Variants in ZNF713 observed in about 807,000 individuals in gnomAD.
ZNF713 encodes zinc finger protein 713.
A neutral mutation model predicts 28.7 loss-of-function variants in ZNF713; 21 were observed. That is an observed-to-expected ratio of 0.73 (90% CI 0.52 to 1.05). The LOEUF (loss-of-function observed/expected upper bound fraction) is 1.05. ZNF713 is among the 50% of genes least tolerant of loss of function. ZNF713 has a pLI of 0.00. For missense variants in ZNF713, 458 were observed against 532.4 expected (o/e 0.86, Z 1.37); for synonymous variants, 167 against 178.0 (o/e 0.94, Z 0.49).
chr7:55,910,376 T>C (rs1027588462), intron 2 of ZNF713, among the ~76,000 whole-genome samples: 6 of 152,226 alleles, frequency 3.9e-5, no homozygotes, highest in African/African-American at 1.4e-4. Flanking sequence ...GTTGTAGTTC[T>C]TAGGGGAATG....
Position 55,912,641 on chromosome 7 carries a change from C to T in ZNF713, c.5C>T (p.Pro2Leu). The T allele has an allele frequency of 1.2e-6, 2 of 1,610,500 alleles. No individual in the cohort carries two copies. The highest frequency in any genetic ancestry group is 1.7e-6 in the Non-Finnish European group (2 of 1,177,980). The change falls in exon 4 of 7, where the codon CCT becomes CTT. Residue 2 changes from proline to leucine, a missense_variant. Physicochemically the swap from Pro to Leu is moderately conservative, Grantham distance 98 (BLOSUM62 -3). Coordinates refer to ENST00000429591, the MANE Select transcript of ZNF713 (RefSeq NM_182633.3). ...ATGCTTCTCTTTTTCCTAGTTATGC[C>T]TTCTCAGAATGCTGTTTTTTCTCAG... M[P>L]SQNAVFSQEG...
chr7:55,925,630 A>C (rs1481970903), intron 6 of ZNF713, among the ~76,000 whole-genome samples: 1 of 152,100 alleles, frequency 6.6e-6, no homozygotes, highest in Non-Finnish European at 1.5e-5. Flanking sequence ...AAAAAAGAAA[A>C]GGGAAGAAAA....
intron 1 of ZNF713, among the ~76,000 whole-genome samples, chr7:55,895,695 C>T (rs1308047263): frequency 2.0e-5 from 3 of 151,800 alleles, no homozygotes; most frequent in South Asian, 2.1e-4. Flanking sequence ...CTCGAACTCC[C>T]GACCTCAGGC....
intron 6 of ZNF713, among the ~76,000 whole-genome samples, chr7:55,935,053 T>C (rs914972819): frequency 1.1e-4 from 16 of 151,994 alleles, no homozygotes; most frequent in African/African-American, 3.4e-4. Context: ...CACGCCCAGC[T>C]AATCTTTGTA....
At chr7:55,930,727 C>T (rs1786193823) in intron 6 of ZNF713, among the ~76,000 whole-genome samples, 1 of 152,034 alleles carries the variant, frequency 6.6e-6, no homozygotes, top group East Asian at 1.9e-4. Context: ...GATCGTGCTA[C>T]TCGCCTCCAG....
chr7:55,908,274 C>T (rs1467158456), intron 2 of ZNF713, among the ~76,000 whole-genome samples: 2 of 151,186 alleles, frequency 1.3e-5, no homozygotes, highest in African/African-American at 2.4e-5. Flanking sequence ...TTCTGAATAG[C>T]TGGGATTACA....
intron 4 of ZNF713, among the ~76,000 whole-genome samples, chr7:55,915,717 G>C (rs1369281889): frequency 6.6e-6 from 1 of 152,210 alleles, no homozygotes; most frequent in Admixed American, 6.5e-5. Context: ...GGTGTGGAAG[G>C]AGGGAGAGAA....
At chr7:55,923,502 G>T in intron 5 of ZNF713, 105 bp from the exon 6 acceptor site, 3 of 1,156,798 alleles carry the variant, frequency 2.6e-6, no homozygotes, top group Non-Finnish European at 3.7e-6. Context: ...TGCTGCCTCT[G>T]AAGTCTCCCC....
Position 55,940,164 on chromosome 7 carries a change from C to G in ZNF713, c.*158C>G. 1 of 1,287,686 alleles carries G rather than the reference C, an allele frequency of 7.8e-7. No homozygotes were observed. Among genetic ancestry groups the G allele is most frequent in the South Asian group, 1.7e-5 (1 of 57,548 alleles). The allele number at this position is 1,287,686 out of a possible 1,614,324, so 79.8% of individuals were successfully genotyped here. On this transcript the variant is annotated 3_prime_UTR_variant, in exon 7 of 7. Coordinates refer to ENST00000429591, the MANE Select transcript of ZNF713 (RefSeq NM_182633.3). ...TTGAGACTGAGTCTCACTCTGTCAC[C>G]CAGGCTGAAGTGCAGTGGTACAATC...
At chr7:55,927,827 A>G (rs779114569) in intron 6 of ZNF713, among the ~76,000 whole-genome samples, 2 of 130,638 alleles carry the variant, frequency 1.5e-5, no homozygotes, top group Non-Finnish European at 3.1e-5. Context: ...AACCCCGGAG[A>G]CGGAGGTTGC....
chr7:55,918,055 T>C (rs1022679448), intron 4 of ZNF713: 15 of 456,428 alleles, frequency 3.3e-5, no homozygotes, highest in Non-Finnish European at 5.7e-5. Flanking sequence ...TGGAGATCTG[T>C]GTGCTCTCCA....
Position 55,887,597 on chromosome 7 carries a change from CACCGCGGCG to C in ZNF713, c.-665_-657del, listed in dbSNP as rs1430349902. ...CTCGGCACCTTCTCCCTCCCGGGTC[CACCGCGGCG>C]GCGGCGGCGGCGGCGGCGGCGGCGG... On this transcript the variant is annotated 5_prime_UTR_variant, in exon 1 of 7. Transcript: ENST00000429591. 5.9e-6 allele frequency: 1 copy of C among 170,920 alleles called. No individual in the cohort carries two copies. The highest frequency in any genetic ancestry group is 1.1e-5 in the Non-Finnish European group (1 of 88,656). 10.6% of individuals were successfully genotyped at this position (170,920 alleles called of 1,614,324 possible).
At position 55,923,629 on chromosome 7, in the gene ZNF713, G is replaced by A; in HGVS notation, c.237G>A (p.Glu79=). The change falls in exon 6 of 7, where the codon GAG becomes GAA. Residue 79 remains glutamate, a synonymous_variant. Transcript: ENST00000429591. Reference sequence around the variant, plus strand: ...TAGGGTATCAGCTTTGTAAGCCAGAGGTAATCGCGCAGTTGGAGCTAGAGG... The same window carrying A: ...TAGGGTATCAGCTTTGTAAGCCAGAAGTAATCGCGCAGTTGGAGCTAGAGG... ...VALGYQLCKP[E]VIAQLELEEE... is the part of the protein sequence containing the mutation. 6.2e-7 allele frequency: 1 copy of A among 1,608,648 alleles called. No individual in the cohort carries two copies. Among genetic ancestry groups the A allele is most frequent in the Non-Finnish European group, 8.5e-7 (1 of 1,177,278 alleles).
chr7:55,925,541 A>G (rs545928192), intron 6 of ZNF713, among the ~76,000 whole-genome samples: 11 of 152,234 alleles, frequency 7.2e-5, no homozygotes, highest in African/African-American at 2.4e-4. Flanking sequence ...TAATCGCTTG[A>G]ACCTGGGAGG....
chr7:55,923,581 A>G (rs368757897), intron 5 of ZNF713, 26 bp from the exon 6 acceptor site: 2 of 1,556,404 alleles, frequency 1.3e-6, no homozygotes, highest in African/African-American at 2.7e-5. Flanking sequence ...ACAAACTCCT[A>G]AGATGTATGT....
chr7:55,925,080 TG>T lies in ZNF713; in HGVS notation c.307+1383del, dbSNP rs1786071231. Among the ~76,000 whole-genome samples, 7 of 151,936 alleles carry T rather than the reference TG, an allele frequency of 4.6e-5. No individual in the cohort carries two copies. In the South Asian group the frequency reaches 1.5e-3, roughly 32 times the overall value. On this transcript the variant is annotated intron_variant, in intron 6 of 6. Coordinates refer to ENST00000429591, the MANE Select transcript of ZNF713 (RefSeq NM_182633.3). Reference sequence around the variant, plus strand: ...GGCATACCACCTACGATGTTCTGCCTGGCTGTTTTAACAAGGAGTGGACTGC... The same window carrying T: ...GGCATACCACCTACGATGTTCTGCCTGCTGTTTTAACAAGGAGTGGACTGC...
At chr7:55,899,356 C>CAA (rs71015114) in intron 1 of ZNF713, among the ~76,000 whole-genome samples, 59 of 68,880 alleles carry the variant, frequency 8.6e-4, no homozygotes, top group South Asian at 1.3e-3. Flanking sequence ...GATTCCATCT[C>CAA]AAAAAAAAAA....
At chr7:55,895,295 A>G (rs1785453456) in intron 1 of ZNF713, among the ~76,000 whole-genome samples, 1 of 152,168 alleles carries the variant, frequency 6.6e-6, no homozygotes, top group Non-Finnish European at 1.5e-5. Flanking sequence ...TTGATTAGAT[A>G]GAGAGCCTAA....
At chr7:55,929,142 A>C (rs1355302344) in intron 6 of ZNF713, among the ~76,000 whole-genome samples, 1 of 152,176 alleles carries the variant, frequency 6.6e-6, no homozygotes, top group African/African-American at 2.4e-5. Flanking sequence ...TCTCAAAAAT[A>C]AAAAACGTGC....
Sources: gnomAD v4.1 joint callset for allele counts (sites outside exome capture counted in the v4.1 genomes callset) on GRCh38, gnomAD v4.1.1 for gene constraint, MANE v1.5 for transcripts, NCBI Gene and HGNC (gene_info 2026-07-23, HGNC 2026-07-21) for gene names.